ATP6V1A: variants seen among roughly 807,000 people sequenced by gnomAD.
The protein encoded by ATP6V1A is ATPase H+ transporting V1 subunit A.
In ATP6V1A, 18 loss-of-function variants were observed where a neutral mutation model predicts 70.1. The ratio of observed to expected loss-of-function variants is 0.26; its 90% CI spans 0.18 to 0.38. The LOEUF (loss-of-function observed/expected upper bound fraction) is 0.38. Ranked by LOEUF, ATP6V1A falls within the 10% of genes least tolerant of loss-of-function variation. The pLI is 1.00. For missense variants in ATP6V1A, 424 were observed against 772.4 expected, an observed-to-expected ratio of 0.55 and a Z score of 5.35; for synonymous variants, 232 against 253.8, an observed-to-expected ratio of 0.91 and a Z score of 0.82.
chr3:113,777,672 G>C (rs1708931404), intron 1 of ATP6V1A, among the ~76,000 whole-genome samples: 1 of 152,222 alleles, frequency 6.6e-6, no homozygotes, highest in Non-Finnish European at 1.5e-5. Flanking sequence ...AGGATCTCTT[G>C]AGCCCAGGAA....
intron 8 of ATP6V1A, among the ~76,000 whole-genome samples, chr3:113,793,283 G>C (rs895853870): frequency 1.3e-5 from 2 of 151,952 alleles, no homozygotes; most frequent in African/African-American, 4.8e-5. Context: ...GGCTGGTCTC[G>C]AACTCCTGAC....
intron 1 of ATP6V1A, among the ~76,000 whole-genome samples, chr3:113,773,949 A>G (rs1048984706): frequency 6.6e-6 from 1 of 152,136 alleles, no homozygotes; most frequent in East Asian, 1.9e-4. Flanking sequence ...ATTGTGTCTT[A>G]CTTCATTATA....
intron 1 of ATP6V1A, among the ~76,000 whole-genome samples, chr3:113,757,897 G>C (rs182427316): frequency 3.3e-4 from 50 of 152,340 alleles, no homozygotes; most frequent in African/African-American, 1.0e-3. Context: ...TGTAATCCCA[G>C]CACTTTGGGA....
Position 113,811,427 on chromosome 3 carries a change from G to A in ATP6V1A, c.*2000G>A, listed in dbSNP as rs1487021692. The A allele has an allele frequency of 1.3e-5, 2 of 152,660 alleles. No homozygotes were observed. The highest frequency in any genetic ancestry group is 2.9e-5 in the Non-Finnish European group (2 of 67,998). The allele number at this position is 152,660 out of a possible 1,614,324, so 9.5% of individuals were successfully genotyped here. ...ATTATGCAATGGTTTGTTGAGATACGGACTTGATGGTGCTGTTTAATCAGT... is the reference window on the plus strand; with the variant it reads ...ATTATGCAATGGTTTGTTGAGATACAGACTTGATGGTGCTGTTTAATCAGT... On this transcript the variant is annotated 3_prime_UTR_variant, in exon 15 of 15. Coordinates refer to ENST00000273398, the MANE Select transcript of ATP6V1A (RefSeq NM_001690.4).
chr3:113,794,478 A>G (rs1413269139), intron 8 of ATP6V1A, among the ~76,000 whole-genome samples: 1 of 152,080 alleles, frequency 6.6e-6, no homozygotes, highest in Non-Finnish European at 1.5e-5. Context: ...TGTTCAGGGC[A>G]CTCTTTACTC....
At chr3:113,797,089 C>T (rs939230237) in intron 11 of ATP6V1A, among the ~76,000 whole-genome samples, 5 of 152,070 alleles carry the variant, frequency 3.3e-5, no homozygotes, top group East Asian at 1.9e-4. Flanking sequence ...GCACCCGCCA[C>T]CACACCTGGC....
At chr3:113,798,720 A>T (rs1709179262) in intron 12 of ATP6V1A, among the ~76,000 whole-genome samples, 1 of 152,172 alleles carries the variant, frequency 6.6e-6, no homozygotes. Context: ...GTTAGCATAC[A>T]TTTTTGTAGG....
chr3:113,793,475 T>G (rs1248096655), intron 8 of ATP6V1A, among the ~76,000 whole-genome samples: 3 of 152,254 alleles, frequency 2.0e-5, no homozygotes, highest in Admixed American at 2.0e-4. Flanking sequence ...TTGTAGGCAC[T>G]GATACCTGTA....
chr3:113,757,284 C>T (rs1298793580), intron 1 of ATP6V1A, among the ~76,000 whole-genome samples: 3 of 152,146 alleles, frequency 2.0e-5, no homozygotes, highest in Non-Finnish European at 2.9e-5. Context: ...GGTATAGGGA[C>T]AGCTTGGAAA....
chr3:113,771,959 A>G (rs2108020382), intron 1 of ATP6V1A, among the ~76,000 whole-genome samples: 1 of 152,270 alleles, frequency 6.6e-6, no homozygotes, highest in East Asian at 1.9e-4. Flanking sequence ...GATGGGGTAG[A>G]TAGAGGAGTG....
intron 1 of ATP6V1A, among the ~76,000 whole-genome samples, chr3:113,747,881 T>A (rs991973957): frequency 6.6e-6 from 1 of 151,660 alleles, no homozygotes; most frequent in Non-Finnish European, 1.5e-5. Flanking sequence ...TAGGGAAGAG[T>A]GAGTAGGGTT....
intron 12 of ATP6V1A, among the ~76,000 whole-genome samples, chr3:113,802,517 C>T (rs1295957988): frequency 3.3e-5 from 5 of 151,994 alleles, no homozygotes; most frequent in East Asian, 1.9e-4. Flanking sequence ...TTAGTAGAGA[C>T]GGGGTTTCCC....
intron 3 of ATP6V1A, among the ~76,000 whole-genome samples, chr3:113,782,728 A>T (rs867585016): frequency 6.6e-6 from 1 of 151,408 alleles, no homozygotes; most frequent in African/African-American, 2.4e-5. Context: ...GGTTTGAGCA[A>T]TTCTCTGCCT....
chr3:113,809,294 A>G (rs181305678), intron 14 of ATP6V1A, 41 bp from the exon 15 acceptor site: 38 of 1,541,912 alleles, frequency 2.5e-5, no homozygotes, highest in Admixed American at 3.7e-5. Context: ...AATGAAAATT[A>G]TTTTCCAAAT....
At chr3:113,795,800 T>TTA (rs947990625) in intron 10 of ATP6V1A, 76 bp from the exon 11 acceptor site, 14 of 1,124,918 alleles carry the variant, frequency 1.2e-5, no homozygotes, top group Non-Finnish European at 1.8e-5. Context: ...AAGTTAACAT[T>TTA]TATATATATG....
At chr3:113,801,228 TA>T (rs1709208521) in intron 12 of ATP6V1A, 1 of 2,436 alleles carries the variant, frequency 4.1e-4, no homozygotes, top group South Asian at 0.026. Context: ...AAAATACTTT[TA>T]AAAAAATTAA....
At chr3:113,766,358 C>T (rs1450504907) in intron 1 of ATP6V1A, among the ~76,000 whole-genome samples, 3 of 152,092 alleles carry the variant, frequency 2.0e-5, no homozygotes, top group South Asian at 2.1e-4. Flanking sequence ...TGCAGCAGTG[C>T]GACCATGGCT....
intron 5 of ATP6V1A, among the ~76,000 whole-genome samples, chr3:113,785,211 A>G (rs1709024173): frequency 6.6e-6 from 1 of 152,084 alleles, no homozygotes; most frequent in Non-Finnish European, 1.5e-5. Flanking sequence ...GGAGGGCGAG[A>G]TGGGCAGAGC....
At chr3:113,797,291 C>G (rs1365922983) in intron 11 of ATP6V1A, among the ~76,000 whole-genome samples, 5 of 147,258 alleles carry the variant, frequency 3.4e-5, no homozygotes, top group African/African-American at 1.3e-4. Flanking sequence ...TCACCCCCAT[C>G]ATGCAGGCTG....
Sources: allele counts gnomAD v4.1 joint callset (sites outside exome capture counted in the v4.1 genomes callset), GRCh38; gene constraint gnomAD v4.1.1; transcripts MANE v1.5; gene names NCBI Gene and HGNC (gene_info 2026-07-23, HGNC 2026-07-21).